Variants in CMA1 observed in about 807,000 individuals in gnomAD.
The protein encoded by CMA1 is chymase 1, also known as chymase.
Under a neutral mutation model 18.8 loss-of-function variants are expected in CMA1, and 24 were observed. That is an observed-to-expected ratio of 1.28 (90% CI 0.92 to 1.80). The LOEUF (loss-of-function observed/expected upper bound fraction) is 1.80. CMA1 is among the 40% of genes most tolerant of loss of function. CMA1 has a pLI of 0.00. For missense variants in CMA1, 421 were observed against 302.8 expected, an observed-to-expected ratio of 1.39 and a Z score of -2.90; for synonymous variants, 152 against 117.0, an observed-to-expected ratio of 1.30 and a Z score of -1.93.
rs1407235272 is a variant in CMA1, at chr14:24,506,626, G to A, written c.210-22C>T. The stretch of plus-strand genomic sequence containing the variant: ...AGACCTGTTGTGAGGAAGAAGGAAG[G>A]AAAAGGAGCGACAGTGATGGCTTGG... On this transcript the variant is annotated intron_variant, in intron 2 of 4. Transcript: ENST00000250378. The A allele has an allele frequency of 5.0e-6, 8 of 1,611,090 alleles. No individual in the cohort carries two copies. The African/African-American group carries it at 6.7e-5, about 13-fold the overall frequency.
intron 1 of CMA1, among the ~76,000 whole-genome samples, chr14:24,507,933 C>G (rs903708343): frequency 6.7e-6 from 1 of 148,892 alleles, no homozygotes; most frequent in African/African-American, 2.5e-5. Flanking sequence ...TTTCCTTCCA[C>G]TTGCTCTGGG....
In CMA1 at chr14:24,506,081, G is replaced by T; in HGVS notation, c.547C>A (p.His183Asn). Residue 183 changes from histidine to asparagine, a missense_variant, in exon 4 of 5, where the codon CAC becomes AAC. His to Asn is a moderately conservative substitution (Grantham distance 68). Coordinates refer to ENST00000250378, the MANE Select transcript of CMA1 (RefSeq NM_001836.5). ...TTGCCCACACACAGCTGAAGATTGT[G>T]GTCAAAGTCTCTGAAGTGGCTGCAG... ...QACSHFRDFD[H>N]NLQLCVGNPR... is the part of the protein sequence containing the mutation. 6.2e-7 allele frequency: 1 copy of T among 1,614,182 alleles called. No individual in the cohort carries two copies. The highest frequency in any genetic ancestry group is 8.5e-7 in the Non-Finnish European group (1 of 1,180,022).
At chr14:24,505,878 G>T in intron 4 of CMA1, 150 bp downstream of exon 4, 1 of 1,166,522 alleles carries the variant, frequency 8.6e-7, no homozygotes. Context: ...GGAATGGATG[G>T]TCAGAGGCTG....
Position 24,508,184 on chromosome 14 carries a change from C to T in CMA1, c.52G>A (p.Glu18Lys). 1 of 1,613,854 alleles carries T rather than the reference C, an allele frequency of 6.2e-7. No individual in the cohort carries two copies. ...GAAGAACCCTGATACTCACCAGCTT[C>T]AGCTCTGGAGCACAAGAGAAAGAGC... Reference protein sequence around the residue: ...LLLFLLCSRAEAGEIIGGTEC... With the variant: ...LLLFLLCSRAKAGEIIGGTEC... Residue 18 changes from glutamate (E) to lysine (K), a missense_variant, in exon 1 of 5, where the codon GAA (glutamate) becomes AAA (lysine). By Grantham distance (56) the Glu-to-Lys change is moderately conservative. Coordinates refer to ENST00000250378, the MANE Select transcript of CMA1 (RefSeq NM_001836.5).
In CMA1 at chr14:24,508,178, C is replaced by A. The variant is rs762814223; in HGVS notation, c.58G>T (p.Gly20Trp). Residue 20 changes from glycine (G) to tryptophan (W), a missense_variant and splice_region_variant, in exon 1 of 5, where the codon GGG becomes TGG. Gly to Trp is a radical substitution (Grantham distance 184, BLOSUM62 -2). Coordinates refer to ENST00000250378, the MANE Select transcript of CMA1 (RefSeq NM_001836.5). ...CAGAGGGAAGAACCCTGATACTCAC[C>A]AGCTTCAGCTCTGGAGCACAAGAGA... The part of the protein sequence containing the change: ...LFLLCSRAEA[G>W]EIIGGTECKP... The A allele has an allele frequency of 1.2e-5, 19 of 1,613,608 alleles. No homozygotes were observed. Among genetic ancestry groups the A allele is most frequent in the South Asian group, 9.9e-5 (9 of 90,982 alleles).
In CMA1 at chr14:24,508,161, A is replaced by G. The variant is rs757509997; in HGVS notation, c.58+17T>C. On this transcript the variant is annotated intron_variant, in intron 1 of 4. Coordinates refer to ENST00000250378, the MANE Select transcript of CMA1 (RefSeq NM_001836.5). ...GCTGATACTGCAGATTTCAGAGGGA[A>G]GAACCCTGATACTCACCAGCTTCAG... The G allele has an allele frequency of 1.2e-5, 20 of 1,612,292 alleles. No homozygotes were observed. The highest frequency in any genetic ancestry group is 1.5e-5 in the Non-Finnish European group (18 of 1,178,712).
chr14:24,507,899 G>T (rs374897516), intron 1 of CMA1, among the ~76,000 whole-genome samples: 1 of 151,954 alleles, frequency 6.6e-6, no homozygotes, highest in African/African-American at 2.4e-5. Flanking sequence ...AAGAGGACAT[G>T]TCTGTTTTCC....
Position 24,508,211 on chromosome 14 carries a change from G to A in CMA1, c.25C>T (p.Leu9=). 3 of 1,613,886 alleles carry A rather than the reference G, an allele frequency of 1.9e-6. No homozygotes were observed. The highest frequency in any genetic ancestry group is 1.7e-6 in the Non-Finnish European group (2 of 1,179,902). The part of the protein sequence containing the change: MLLLPLPL[L]LFLLCSRAEA... ...GCTCTGGAGCACAAGAGAAAGAGCA[G>A]CAGGGGGAGAGGAAGAAGCAGCATC... The change falls in exon 1 of 5, where the codon CTG becomes TTG. Residue 9 remains leucine, a synonymous_variant. Coordinates refer to ENST00000250378, the MANE Select transcript of CMA1 (RefSeq NM_001836.5).
intron 1 of CMA1, 113 bp downstream of exon 1, chr14:24,508,065 C>G (rs2043874074): frequency 2.9e-6 from 3 of 1,022,460 alleles, no homozygotes; most frequent in Admixed American, 2.1e-5. Context: ...CCCTCTGGGA[C>G]TCTTGAAGAG....
In CMA1 at chr14:24,507,430, G is replaced by A. The variant is rs1001813145; in HGVS notation, c.135C>T (p.Asn45=). 2.5e-6 allele frequency: 4 copies of A among 1,614,028 alleles called. No individual in the cohort carries two copies. The highest frequency in any genetic ancestry group is 2.2e-5 in the East Asian group (1 of 44,896). Residue 45 remains asparagine, a synonymous_variant, in exon 2 of 5, where the codon AAC becomes AAT. Coordinates refer to ENST00000250378, the MANE Select transcript of CMA1 (RefSeq NM_001836.5). ...AACCACCACAAAATTTTGAGGGACC[G>A]TTGGAAGTTACAATTTCCAGGTAGG... The part of the protein sequence containing the change: ...YMAYLEIVTS[N]GPSKFCGGFL...
In CMA1 at chr14:24,505,444, G is replaced by C. The variant is rs1471328676; in HGVS notation, c.*72C>G. On this transcript the variant is annotated 3_prime_UTR_variant, in exon 5 of 5. Transcript: ENST00000250378. ...TGGCTGAGGGACCAAGGGTAGACCA[G>C]AATGAGTGGCACACACTTTGCTGCT... The C allele has an allele frequency of 6.3e-7, 1 of 1,599,984 alleles. No individual in the cohort carries two copies.
chr14:24,506,694 A>C (rs950472234), intron 2 of CMA1, 90 bp from the exon 3 acceptor site: 36 of 1,485,602 alleles, frequency 2.4e-5, no homozygotes, highest in Non-Finnish European at 3.3e-5. Flanking sequence ...AGAGGACTAA[A>C]CTCTGTCACT....
intron 2 of CMA1, 73 bp downstream of exon 2, chr14:24,507,283 T>A: frequency 6.4e-7 from 1 of 1,565,040 alleles, no homozygotes; most frequent in Non-Finnish European, 8.8e-7. Context: ...CAGTCCCCAG[T>A]GCAGGTGTAT....
At chr14:24,507,849 A>AGGTCAC (rs2043871892) in intron 1 of CMA1, among the ~76,000 whole-genome samples, 1 of 152,190 alleles carries the variant, frequency 6.6e-6, no homozygotes, top group Non-Finnish European at 1.5e-5. Flanking sequence ...CAGAGTGAGA[A>AGGTCAC]AGTCACAAAG....
At chr14:24,506,313 C>T (rs377042253) in intron 3 of CMA1, 31 bp from the exon 4 acceptor site, 33 of 1,607,450 alleles carry the variant, frequency 2.1e-5, no homozygotes, top group Admixed American at 3.3e-5. Context: ...TGTCAGTCCT[C>T]GAAATGGGCT....
chr14:24,505,752 C>A, intron 4 of CMA1, 93 bp from the exon 5 acceptor site: 1 of 1,476,056 alleles, frequency 6.8e-7, no homozygotes, highest in South Asian at 1.3e-5. Flanking sequence ...GACCTAAAGT[C>A]AGACGCAGGA....
rs139700002 is a variant in CMA1, at chr14:24,506,158, G to A, written c.470C>T (p.Pro157Leu). The part of the protein sequence containing the change: ...AGWGRTGVLK[P>L]GSDTLQEVKL... ...CACCTCTTGCAGAGTGTCTGAGCCC[G>A]GCTTCAACACACCTGTTCTTCCCCA... The change falls in exon 4 of 5, where the codon CCG (proline) becomes CTG (leucine). Residue 157 changes from proline to leucine, a missense_variant. Pro to Leu is a moderately conservative substitution (Grantham distance 98, BLOSUM62 -3). Transcript: ENST00000250378. 39 of 1,614,032 alleles carry A rather than the reference G, an allele frequency of 2.4e-5. No homozygotes were observed. Among genetic ancestry groups the A allele is most frequent in the South Asian group, 5.5e-5 (5 of 91,080 alleles).
chr14:24,506,333 T>A (rs1364873369), intron 3 of CMA1, 51 bp from the exon 4 acceptor site: 1 of 1,600,916 alleles, frequency 6.2e-7, no homozygotes, highest in Non-Finnish European at 8.5e-7. Flanking sequence ...TCTGGACAGT[T>A]GGAGGTGATC....
rs575158336 is a variant in CMA1, at chr14:24,505,821, G to A, written c.601-162C>T. Among the ~76,000 whole-genome samples, 29 of 152,238 alleles carry A rather than the reference G, an allele frequency of 1.9e-4. 1 individual carries two copies. Among genetic ancestry groups the A allele is most frequent in the South Asian group, 6.2e-4 (3 of 4,820 alleles). ...TGCCCCTTCTTCCTTTCTTGGGACC[G>A]TCATCCACATTCTCCACATCACCCC... On this transcript the variant is annotated intron_variant, in intron 4 of 4. Transcript: ENST00000250378.
Sources: allele counts gnomAD v4.1 joint callset (sites outside exome capture counted in the v4.1 genomes callset), GRCh38; gene constraint gnomAD v4.1.1; transcripts MANE v1.5; gene names NCBI Gene and HGNC (gene_info 2026-07-23, HGNC 2026-07-21).